EYS: variants seen among roughly 807,000 people sequenced by gnomAD.
The protein encoded by EYS is EGF-like photoreceptor maintenance factor.
A neutral mutation model predicts 282.1 loss-of-function variants in EYS; 250 were observed. That is an observed-to-expected ratio of 0.89 (90% CI 0.80 to 0.98). The LOEUF (loss-of-function observed/expected upper bound fraction) is 0.98, where lower values mean the gene tolerates loss of function less well. Among genes scored for constraint, EYS ranks in the 50% least tolerant of loss-of-function variants. The pLI, the probability that EYS is intolerant of heterozygous loss-of-function variation, is 0.00. For synonymous variants in EYS, 1,355 were observed against 1,282.9 expected, an observed-to-expected ratio of 1.06 and a Z score of -1.20; for missense variants, 4,016 against 3,709.0, an observed-to-expected ratio of 1.08 and a Z score of -2.15.
At chr6:64,166,239 C>T (rs1441101159) in intron 31 of EYS, among the ~76,000 whole-genome samples, 14 of 152,132 alleles carry the variant, frequency 9.2e-5, no homozygotes, top group Admixed American at 8.5e-4. Context: ...CAATTATCAA[C>T]CTAAAACACC....
At position 63,957,865 on chromosome 6, in the gene EYS, T is replaced by A. The variant is rs1392609200; in HGVS notation, c.7055+26518A>T. ...GTTTTTAGTAAAGAAACAAGGTCAG[T>A]TGAAGGCCATCATATTGACAACATA... On this transcript the variant is annotated intron_variant, in intron 35 of 42. Transcript: ENST00000503581. Among the ~76,000 whole-genome samples the A allele has an allele frequency of 5.7e-5, 8 of 140,844 alleles. 1 individual carries two copies. The highest frequency in any genetic ancestry group is 9.7e-5 in the Non-Finnish European group (6 of 61,968). 92.4% of individuals were successfully genotyped at this position (140,844 alleles called of 152,430 possible).
At chr6:65,591,136 AACATT>A (rs1250064154) in intron 2 of EYS, among the ~76,000 whole-genome samples, 1 of 151,882 alleles carries the variant, frequency 6.6e-6, no homozygotes, top group Admixed American at 6.6e-5. Context: ...TGGCCTCTCC[AACATT>A]TGTTATTTTT....
At chr6:65,002,029 A>C (rs1272761080) in intron 13 of EYS, among the ~76,000 whole-genome samples, 1 of 130,282 alleles carries the variant, frequency 7.7e-6, no homozygotes, top group African/African-American at 2.7e-5. Flanking sequence ...ATATATTAAA[A>C]TATTTATGAA....
chr6:65,691,733 T>C (rs537682542), intron 1 of EYS, among the ~76,000 whole-genome samples: 3 of 150,612 alleles, frequency 2.0e-5, no homozygotes, highest in Non-Finnish European at 4.4e-5. Context: ...TTTAAGTTTT[T>C]AATCCATCTT....
chr6:63,787,219 G>C (rs1770388925), intron 39 of EYS: 1 of 152,194 alleles, frequency 6.6e-6, no homozygotes, highest in Non-Finnish European at 1.5e-5. Context: ...TTTGAACACG[G>C]AACTATTTGA....
chr6:64,910,914 A>C (rs1198966179), intron 16 of EYS, among the ~76,000 whole-genome samples: 1 of 152,080 alleles, frequency 6.6e-6, no homozygotes, highest in African/African-American at 2.4e-5. Context: ...TGGTGAAAAC[A>C]AAGGAAGTTT....
At chr6:65,026,675 T>TG (rs1216637029) in intron 13 of EYS, among the ~76,000 whole-genome samples, 2 of 152,132 alleles carry the variant, frequency 1.3e-5, no homozygotes, top group Admixed American at 6.5e-5. Context: ...CCCAGCACTT[T>TG]GGGAGGCCGA....
At chr6:63,915,071 A>G (rs1030314913) in intron 35 of EYS, among the ~76,000 whole-genome samples, 7 of 150,222 alleles carry the variant, frequency 4.7e-5, no homozygotes, top group Non-Finnish European at 8.8e-5. Context: ...AAATGTTGAT[A>G]AAATAGCCTT....
chr6:65,459,790 T>G (rs1764751302), intron 5 of EYS, among the ~76,000 whole-genome samples: 1 of 150,794 alleles, frequency 6.6e-6, no homozygotes, highest in Non-Finnish European at 1.5e-5. Context: ...CCAACTGAAA[T>G]ATTTGAAAAT....
intron 11 of EYS, among the ~76,000 whole-genome samples, chr6:65,327,168 T>A (rs1333402581): frequency 6.6e-6 from 1 of 151,700 alleles, no homozygotes; most frequent in Non-Finnish European, 1.5e-5. Context: ...ACACTTTCTA[T>A]CCTAAATTCC....
chr6:63,766,320 C>T (rs1306523176), intron 40 of EYS, among the ~76,000 whole-genome samples: 1 of 151,980 alleles, frequency 6.6e-6, no homozygotes, highest in Non-Finnish European at 1.5e-5. Context: ...GCACTCTAGA[C>T]CATTAATTCC....
intron 29 of EYS, among the ~76,000 whole-genome samples, chr6:64,378,550 T>C (rs1772638481): frequency 6.6e-6 from 1 of 152,084 alleles, no homozygotes; most frequent in African/African-American, 2.4e-5. Flanking sequence ...TAGAATGAAA[T>C]ATCAATGCTG....
intron 31 of EYS, among the ~76,000 whole-genome samples, chr6:64,215,111 G>C (rs1765891304): frequency 1.3e-5 from 2 of 151,898 alleles, no homozygotes; most frequent in African/African-American, 4.8e-5. Context: ...TCAAAATTTG[G>C]TTGAGTTGCT....
Position 64,035,102 on chromosome 6 carries a change from C to T in EYS, c.6725+31236G>A, listed in dbSNP as rs34851620. Among the ~76,000 whole-genome samples the T allele has an allele frequency of 2.9e-3, 436 of 152,292 alleles. 3 individuals carry two copies. Among genetic ancestry groups the T allele is most frequent in the Non-Finnish European group, 4.4e-3 (301 of 68,022 alleles). The stretch of plus-strand genomic sequence containing the variant: ...GGATACTGCTGAACACGTGGCAGTA[C>T]ACATGACAGGCCCCACAGCAAAGAC... On this transcript the variant is annotated intron_variant, in intron 33 of 42. Coordinates refer to ENST00000503581, the MANE Select transcript of EYS (RefSeq NM_001142800.2).
At chr6:63,813,908 T>G (rs1308547690) in intron 36 of EYS, among the ~76,000 whole-genome samples, 2 of 152,218 alleles carry the variant, frequency 1.3e-5, no homozygotes, top group East Asian at 1.9e-4. Flanking sequence ...CATTTAACTT[T>G]GCCAGGAAAA....
chr6:65,147,801 G>A (rs762878332), intron 12 of EYS, among the ~76,000 whole-genome samples: 29 of 152,146 alleles, frequency 1.9e-4, no homozygotes, highest in Admixed American at 5.2e-4. Flanking sequence ...CCACAGTTCC[G>A]CATGACTGGG....
rs533498268 is a variant in EYS, at chr6:65,395,089, GT to G, written c.1184+7388del. Among the ~76,000 whole-genome samples the G allele has an allele frequency of 3.3e-3, 507 of 152,330 alleles. 4 individuals carry two copies. Among genetic ancestry groups the G allele is most frequent in the African/African-American group, 0.011 (457 of 41,578 alleles). On this transcript the variant is annotated intron_variant, in intron 7 of 42. Transcript: ENST00000503581. ...GTTTGTCTGTCTGTTTTGAGACAGA[GT>G]TTCGCTCTTGTGGCCCAGGCCGGAG...
chr6:64,265,012 A>C (rs1767708526), intron 30 of EYS, among the ~76,000 whole-genome samples: 1 of 152,174 alleles, frequency 6.6e-6, no homozygotes, highest in African/African-American at 2.4e-5. Context: ...GAGAAGCCAT[A>C]AAATGTTTTC....
intron 5 of EYS, among the ~76,000 whole-genome samples, chr6:65,416,612 A>G (rs1249736123): frequency 6.6e-6 from 1 of 152,020 alleles, no homozygotes; most frequent in Admixed American, 6.6e-5. Context: ...ATAAAAGATT[A>G]TTTTAGACCA....
Sources: gnomAD v4.1 joint callset for allele counts (sites outside exome capture counted in the v4.1 genomes callset) on GRCh38, gnomAD v4.1.1 for gene constraint, MANE v1.5 for transcripts, NCBI Gene and HGNC (gene_info 2026-07-23, HGNC 2026-07-21) for gene names.